The following MSI2 variants were observed in gnomAD, a reference collection of about 807,000 sequenced individuals.
MSI2 encodes the protein RNA-binding protein Musashi homolog 2.
A neutral mutation model predicts 45.6 loss-of-function variants in MSI2; 17 were observed. The ratio of observed to expected loss-of-function variants is 0.37; its 90% CI spans 0.26 to 0.56. The LOEUF (loss-of-function observed/expected upper bound fraction) is 0.56. Among genes scored for constraint, MSI2 ranks in the 20% least tolerant of loss-of-function variants. The probability of loss-of-function intolerance (pLI) is 0.77; values close to 1 mark genes in which losing one functional copy is unlikely to be tolerated. For synonymous variants in MSI2, 156 were observed against 158.2 expected (o/e 0.99, Z 0.11); for missense variants, 293 against 444.2 (o/e 0.66, Z 3.06).
intron 9 of MSI2, among the ~76,000 whole-genome samples, chr17:57,619,530 C>A (rs1411407931): frequency 6.6e-6 from 1 of 152,168 alleles, no homozygotes; most frequent in Admixed American, 6.5e-5. Context: ...GCCTTCCATT[C>A]GGAATAAACA....
chr17:57,368,655 A>G (rs2083376138), intron 5 of MSI2, among the ~76,000 whole-genome samples: 1 of 152,244 alleles, frequency 6.6e-6, no homozygotes, highest in African/African-American at 2.4e-5. Context: ...TCATGTTTTA[A>G]GAGGGAAAAG....
At chr17:57,322,135 G>C (rs945460611) in intron 5 of MSI2, among the ~76,000 whole-genome samples, 4 of 152,216 alleles carry the variant, frequency 2.6e-5, no homozygotes, top group Non-Finnish European at 5.9e-5. Flanking sequence ...GGTAGGGGCA[G>C]GGTGTGTCAT....
At chr17:57,512,308 C>A (rs1056187766) in intron 6 of MSI2, among the ~76,000 whole-genome samples, 3 of 152,018 alleles carry the variant, frequency 2.0e-5, no homozygotes, top group Non-Finnish European at 4.4e-5. Flanking sequence ...AAAGGTAGCA[C>A]CACTGCCTCT....
At chr17:57,309,982 C>T (rs1363093371) in intron 5 of MSI2, among the ~76,000 whole-genome samples, 1 of 152,164 alleles carries the variant, frequency 6.6e-6, no homozygotes, top group Non-Finnish European at 1.5e-5. Flanking sequence ...GGTGCAGGGG[C>T]TGGGGAGTAT....
chr17:57,461,545 T>C (rs953222029), intron 6 of MSI2, among the ~76,000 whole-genome samples: 1 of 151,458 alleles, frequency 6.6e-6, no homozygotes, highest in African/African-American at 2.4e-5. Context: ...TTTTTTTTTT[T>C]TTTTTTGAGA....
rs868210843 is a variant in MSI2 at position 57,552,956 on chromosome 17, T to C, written c.454+23232T>C. On this transcript the variant is annotated intron_variant, in intron 7 of 13. Coordinates refer to ENST00000284073, the MANE Select transcript of MSI2 (RefSeq NM_138962.4). This position sits in a 1 kb window ranked among gnomAD's most constrained non-coding sequence, Gnocchi z 4.3. ...GACTTCTCTTTTGAGAGGCTGATAC[T>C]GGTCTTTGAATGAACTCTTTACCCC... Among the ~76,000 whole-genome samples, 4 of 152,214 alleles carry C rather than the reference T, an allele frequency of 2.6e-5. No individual in the cohort carries two copies. Among genetic ancestry groups the C allele is most frequent in the Admixed American group, 2.6e-4 (4 of 15,286 alleles).
chr17:57,480,270 C>T (rs1196743135), intron 6 of MSI2, among the ~76,000 whole-genome samples: 1 of 152,168 alleles, frequency 6.6e-6, no homozygotes. Context: ...GCCACGAAGG[C>T]TCTTTTGTCA....
At position 57,340,409 on chromosome 17, in the gene MSI2, T is replaced by A. The variant is rs533810947; in HGVS notation, c.313-60970T>A. ...AGGTACAGTGTCAACACTGCAGGGCTCTTTGGAGGCTGAAATGAGATGAAA... is the reference window on the plus strand; with the variant it reads ...AGGTACAGTGTCAACACTGCAGGGCACTTTGGAGGCTGAAATGAGATGAAA... On this transcript the variant is annotated intron_variant, in intron 5 of 13. Transcript: ENST00000284073. Among the ~76,000 whole-genome samples the A allele has an allele frequency of 7.9e-4, 121 of 152,312 alleles. No homozygotes were observed. In the South Asian group the frequency reaches 0.025, roughly 31 times the overall value.
intron 8 of MSI2, among the ~76,000 whole-genome samples, chr17:57,598,571 A>G (rs1206318838): frequency 1.3e-5 from 2 of 152,232 alleles, no homozygotes; most frequent in Non-Finnish European, 2.9e-5. Flanking sequence ...GTGTGACAGA[A>G]TAACACAGGT....
At chr17:57,586,322 A>G (rs1274322619) in intron 7 of MSI2, among the ~76,000 whole-genome samples, 1 of 152,128 alleles carries the variant, frequency 6.6e-6, no homozygotes, top group African/African-American at 2.4e-5. Flanking sequence ...TCTCTCTTAG[A>G]AAAATGGTTT....
rs746436038 is a variant in MSI2, at chr17:57,652,287, G to T, written c.790+126G>T. On this transcript the variant is annotated intron_variant, in intron 11 of 13. Transcript: ENST00000284073. The surrounding 1 kb of genome is among the most constrained non-coding windows in gnomAD (Gnocchi z 4.1). ...CACTCTCACCACAGCCCCGGGGAGG[G>T]GGTGGACGGGGAGGGGGTGGACCGG... The T allele has an allele frequency of 1.2e-5, 12 of 997,332 alleles. No homozygotes were observed. Among genetic ancestry groups the T allele is most frequent in the Non-Finnish European group, 1.5e-5 (10 of 669,126 alleles). The allele number at this position is 997,332 out of a possible 1,614,324, so 61.8% of individuals were successfully genotyped here. A position where few individuals can be genotyped will look rare whatever the true frequency, so the allele number is the denominator to read the frequency against.
In MSI2 at chr17:57,632,591, G is replaced by C. The variant is rs139046176; in HGVS notation, c.727+5288G>C. The C allele has an allele frequency of 1.0e-4, 109 of 1,066,406 alleles. No individual in the cohort carries two copies. The African/African-American group carries it at 1.6e-3, about 16-fold the overall frequency. The allele number at this position is 1,066,406 out of a possible 1,614,324, so 66.1% of individuals were successfully genotyped here. ...TTGGAGTAGGAGGGGGTGGAACACA[G>C]GGGGCCCATCCTGATCAGGCCCCAT... On this transcript the variant is annotated intron_variant, in intron 10 of 13. Transcript: ENST00000284073.
At chr17:57,412,803 A>T (rs2084221034) in intron 6 of MSI2, among the ~76,000 whole-genome samples, 1 of 152,234 alleles carries the variant, frequency 6.6e-6, no homozygotes, top group African/African-American at 2.4e-5. Flanking sequence ...TTGCCTGCTA[A>T]TAAGAGCATA....
chr17:57,346,382 A>G (rs1015309895), intron 5 of MSI2, among the ~76,000 whole-genome samples: 1 of 150,920 alleles, frequency 6.6e-6, no homozygotes, highest in Admixed American at 6.6e-5. Flanking sequence ...CTTAATGAAG[A>G]TGTAAACCCA....
intron 7 of MSI2, among the ~76,000 whole-genome samples, chr17:57,585,629 C>T (rs1238679684): frequency 1.3e-5 from 2 of 152,192 alleles, no homozygotes; most frequent in African/African-American, 4.8e-5. Flanking sequence ...ATGGATGAGG[C>T]TGGAGGATGA....
At chr17:57,311,704 G>C (rs1422695700) in intron 5 of MSI2, among the ~76,000 whole-genome samples, 3 of 152,090 alleles carry the variant, frequency 2.0e-5, no homozygotes. Context: ...GCATGGGCTG[G>C]CTGCTATGCC....
chr17:57,256,599 A>G lies in MSI2; in HGVS notation c.-144A>G, dbSNP rs1164734706. 2 of 316,988 alleles carry G rather than the reference A, an allele frequency of 6.3e-6. No individual in the cohort carries two copies. The highest frequency in any genetic ancestry group is 3.1e-5 in the African/African-American group (1 of 31,846). 19.6% of individuals were successfully genotyped at this position (316,988 alleles called of 1,614,324 possible). On this transcript the variant is annotated 5_prime_UTR_variant, in exon 1 of 14. Coordinates refer to ENST00000284073, the MANE Select transcript of MSI2 (RefSeq NM_138962.4). ...CCGCTGCCCCGGCTCCGCCGCTCGC[A>G]GAGAGATTCGGAGGAGCCCGGGCGG...
chr17:57,563,746 G>GCGCACACACACACACACA lies in MSI2; in HGVS notation c.455-33121_455-33120insGCACACACACACACACAC, dbSNP rs534460755. ...TTCCCTCTCACACACACACAGGCGC[G>GCGCACACACACACACACA]CACACACACACACACACACACACAC... is the stretch of plus-strand genomic sequence containing the variant. On this transcript the variant is annotated intron_variant, in intron 7 of 13. Transcript: ENST00000284073. Among the ~76,000 whole-genome samples, 76 of 139,396 alleles carry GCGCACACACACACACACA rather than the reference G, an allele frequency of 5.5e-4. 2 individuals are homozygous for GCGCACACACACACACACA. The highest frequency in any genetic ancestry group is 1.8e-3 in the African/African-American group (66 of 37,312). The allele number at this position is 139,396 out of a possible 152,430, so 91.4% of individuals were successfully genotyped here.
chr17:57,556,392 G>A (rs574562805), intron 7 of MSI2, among the ~76,000 whole-genome samples: 1 of 152,336 alleles, frequency 6.6e-6, no homozygotes. Flanking sequence ...TAATGTTAGA[G>A]TAGTGACATC....
Sources: allele counts gnomAD v4.1 joint callset (sites outside exome capture counted in the v4.1 genomes callset), GRCh38; gene constraint gnomAD v4.1.1; non-coding constraint Gnocchi (gnomAD v3.1); transcripts MANE v1.5; gene names NCBI Gene and HGNC (gene_info 2026-07-23, HGNC 2026-07-21).